The following GPATCH8 variants were observed in gnomAD, a reference collection of about 807,000 sequenced individuals.
GPATCH8 encodes G-patch domain containing 8.
Under a neutral mutation model 118.3 loss-of-function variants are expected in GPATCH8, and 18 were observed. That is an observed-to-expected ratio of 0.15 (90% confidence interval 0.11 to 0.23). GPATCH8 has a LOEUF of 0.23. GPATCH8 is among the 10% of genes least tolerant of loss of function. GPATCH8 has a pLI of 1.00. For missense variants in GPATCH8, 1,631 were observed against 1,873.8 expected, an observed-to-expected ratio of 0.87 and a Z score of 2.39; for synonymous variants, 659 against 684.7, an observed-to-expected ratio of 0.96 and a Z score of 0.59.
rs535627755 is a variant in GPATCH8, at chr17:44,464,837, A to G, written c.121-293T>C. On this transcript the variant is annotated intron_variant, in intron 2 of 7. Coordinates refer to ENST00000591680, the MANE Select transcript of GPATCH8 (RefSeq NM_001002909.4). ...AGTAAAAGGGGAAAGGGAAAAGGGG[A>G]AGAATACATTTATGAAGTTTTAAAA... is the stretch of plus-strand genomic sequence containing the variant. 1.0e-3 allele frequency: 388 copies of G among 382,894 alleles called. 1 individual carries two copies. Among genetic ancestry groups the G allele is most frequent in the African/African-American group, 7.4e-3 (360 of 48,516 alleles). 23.7% of individuals were successfully genotyped at this position (382,894 alleles called of 1,614,324 possible).
chr17:44,413,795 T>C (rs939987713), intron 6 of GPATCH8, among the ~76,000 whole-genome samples: 1 of 152,000 alleles, frequency 6.6e-6, no homozygotes, highest in African/African-American at 2.4e-5. Flanking sequence ...AATTTTTGTA[T>C]TTTTAGTAGA....
intron 4 of GPATCH8, 70 bp downstream of exon 4, chr17:44,436,408 C>T (rs1185598466): frequency 2.5e-6 from 2 of 792,002 alleles, no homozygotes; most frequent in Non-Finnish European, 4.6e-6. Flanking sequence ...CTTGCACAGA[C>T]ATCTGAATTT....
rs757232497 is a variant in GPATCH8, at chr17:44,398,840, G to A, written c.3237C>T (p.Asp1079=). The A allele has an allele frequency of 6.2e-7, 1 of 1,613,942 alleles. No homozygotes were observed. Among genetic ancestry groups the A allele is most frequent in the East Asian group, 2.2e-5 (1 of 44,892 alleles). The part of the protein sequence containing the change: ...NIGTGRGSEG[D]CSPEDKNSVT... ...CAGAGTTCTTGTCTTCAGGACTGCA[G>A]TCACCTTCTGACCCTCTTCCTGTGC... The change falls in exon 8 of 8, where the codon GAC becomes GAT. Residue 1079 remains aspartate (D), a synonymous_variant. Transcript: ENST00000591680.
Position 44,401,021 on chromosome 17 carries a change from G to A in GPATCH8, c.1056C>T (p.Ser352=). The change falls in exon 8 of 8, where the codon AGC becomes AGT. Residue 352 remains serine (S), a synonymous_variant. Coordinates refer to ENST00000591680, the MANE Select transcript of GPATCH8 (RefSeq NM_001002909.4). ...GLQKVGDSDG[S]SNLDGKKEDE... is the part of the protein sequence containing the mutation. The stretch of plus-strand genomic sequence containing the variant: ...CCTCTTTTTTACCATCAAGATTACT[G>A]CTCCCATCAGAGTCTCCTACCTTCT... 1 of 1,613,798 alleles carries A rather than the reference G, an allele frequency of 6.2e-7. No individual in the cohort carries two copies. Among genetic ancestry groups the A allele is most frequent in the Non-Finnish European group, 8.5e-7 (1 of 1,179,784 alleles).
chr17:44,408,857 C>T (rs2049327948), intron 6 of GPATCH8, among the ~76,000 whole-genome samples: 1 of 152,094 alleles, frequency 6.6e-6, no homozygotes, highest in South Asian at 2.1e-4. Context: ...CAAACCTATC[C>T]TAAGAATACC....
At chr17:44,460,308 GT>G (rs1157288373) in intron 3 of GPATCH8, among the ~76,000 whole-genome samples, 2 of 151,232 alleles carry the variant, frequency 1.3e-5, no homozygotes, top group Non-Finnish European at 2.9e-5. Context: ...TTTTCTTCAG[GT>G]CTTTTATTTT....
intron 3 of GPATCH8, among the ~76,000 whole-genome samples, chr17:44,453,864 C>T (rs146440856): frequency 3.2e-4 from 49 of 151,926 alleles, no homozygotes; most frequent in African/African-American, 1.1e-3. Flanking sequence ...TCCTGGAGAC[C>T]TAGAACTCTG....
At chr17:44,421,282 A>C (rs987150182) in intron 6 of GPATCH8, among the ~76,000 whole-genome samples, 1 of 151,542 alleles carries the variant, frequency 6.6e-6, no homozygotes, top group Admixed American at 6.6e-5. Context: ...CGGAGGTTGC[A>C]GTGAGCCGAG....
In GPATCH8 at chr17:44,399,286, A is replaced by C. The variant is rs775499902; in HGVS notation, c.2791T>G (p.Ser931Ala). The C allele has an allele frequency of 1.2e-4, 201 of 1,613,736 alleles. No homozygotes were observed. The highest frequency in any genetic ancestry group is 4.5e-4 in the Admixed American group (27 of 60,008). ...CAACTGAGGCTATAGTCATCATCAG[A>C]AGATGAATATTTGTGCCGTTTTGAT... ...HRSKRHKYSS[S>A]DDDYSLSCSQ... The change falls in exon 8 of 8, where the codon TCT becomes GCT. Residue 931 changes from serine to alanine, a missense_variant. Physicochemically the swap from Ser to Ala is moderately conservative, Grantham distance 99. Around this residue, in one of 8 missense-constraint regions of GPATCH8, gnomAD observed 922 missense variants for 879.7 expected, o/e 1.05. Transcript: ENST00000591680.
At chr17:44,411,610 T>C (rs2049435628) in intron 6 of GPATCH8, among the ~76,000 whole-genome samples, 1 of 152,204 alleles carries the variant, frequency 6.6e-6, no homozygotes. Context: ...TAAAATCCCA[T>C]GTTCTACATT....
At chr17:44,453,117 C>A (rs2051178002) in intron 3 of GPATCH8, among the ~76,000 whole-genome samples, 1 of 152,176 alleles carries the variant, frequency 6.6e-6, no homozygotes, top group Admixed American at 6.5e-5. Flanking sequence ...CAGGCGTGAG[C>A]CACCACACCC....
intron 1 of GPATCH8, among the ~76,000 whole-genome samples, chr17:44,501,307 C>T (rs766846206): frequency 6.6e-6 from 1 of 151,740 alleles, no homozygotes; most frequent in Non-Finnish European, 1.5e-5. Context: ...ATCCCAGCTG[C>T]TTGGGAGGCT....
chr17:44,488,601 C>T (rs1968981319), intron 1 of GPATCH8, among the ~76,000 whole-genome samples: 1 of 149,398 alleles, frequency 6.7e-6, no homozygotes, highest in Admixed American at 6.7e-5. Context: ...GAACTCCTGA[C>T]CTCAGGTGAT....
intron 1 of GPATCH8, among the ~76,000 whole-genome samples, chr17:44,500,104 C>A (rs1487125281): frequency 1.3e-5 from 2 of 152,174 alleles, no homozygotes; most frequent in African/African-American, 4.8e-5. Flanking sequence ...CTCCCTTATT[C>A]TTTGTCACCT....
chr17:44,475,837 G>A (rs1967724311), intron 1 of GPATCH8, among the ~76,000 whole-genome samples: 1 of 152,070 alleles, frequency 6.6e-6, no homozygotes, highest in African/African-American at 2.4e-5. Flanking sequence ...ACCAGCCTGG[G>A]CAATACAGTG....
chr17:44,406,506 G>T (rs117980477), intron 6 of GPATCH8, among the ~76,000 whole-genome samples: 197 of 69,172 alleles, frequency 2.8e-3, no homozygotes, highest in South Asian at 5.0e-3. Context: ...TGGGGGGGGG[G>T]GGTTATTTAA....
At chr17:44,416,713 T>A (rs536928299) in intron 6 of GPATCH8, among the ~76,000 whole-genome samples, 1 of 152,290 alleles carries the variant, frequency 6.6e-6, no homozygotes, top group East Asian at 1.9e-4. Flanking sequence ...GAATAAGTAA[T>A]CCTGTCAAAA....
At chr17:44,500,003 C>T (rs1157847052) in intron 1 of GPATCH8, among the ~76,000 whole-genome samples, 1 of 151,786 alleles carries the variant, frequency 6.6e-6, no homozygotes, top group Non-Finnish European at 1.5e-5. Flanking sequence ...TTGTTGAAAG[C>T]CTCCCTAGAA....
chr17:44,474,744 A>G (rs1212404800), intron 2 of GPATCH8, 85 bp downstream of exon 2: 1 of 754,224 alleles, frequency 1.3e-6, no homozygotes, highest in South Asian at 1.4e-5. Context: ...GTTATTAATA[A>G]GTTTAACTTC....
Sources: allele counts gnomAD v4.1 joint callset (sites outside exome capture counted in the v4.1 genomes callset), GRCh38; gene constraint gnomAD v4.1.1; regional missense constraint gnomAD v4.1.1; transcripts MANE v1.5; gene names NCBI Gene and HGNC (gene_info 2026-07-23, HGNC 2026-07-21).